The following AKAP13 variants were observed in gnomAD, a reference collection of about 807,000 sequenced individuals.
AKAP13 encodes A-kinase anchor protein 13.
A neutral mutation model predicts 264.5 loss-of-function variants in AKAP13; 80 were observed. The observed-to-expected ratio is 0.30, with a 90% CI of 0.25 to 0.36. The LOEUF (loss-of-function observed/expected upper bound fraction) is 0.36, where lower values mean the gene tolerates loss of function less well. Ranked by LOEUF, AKAP13 falls within the 10% of genes least tolerant of loss-of-function variation. The pLI, the probability that AKAP13 is intolerant of heterozygous loss-of-function variation, is 1.00. For synonymous variants in AKAP13, 1,380 were observed against 1,250.2 expected, an observed-to-expected ratio of 1.10 and a Z score of -2.19; for missense variants, 3,712 against 3,435.2, an observed-to-expected ratio of 1.08 and a Z score of -2.01.
chr15:85,530,340 C>G (rs193267620), intron 3 of AKAP13, among the ~76,000 whole-genome samples: 1 of 152,146 alleles, frequency 6.6e-6, no homozygotes, highest in African/African-American at 2.4e-5. Flanking sequence ...CACCATGGCT[C>G]TTTGCTGTGT....
chr15:85,741,873 C>G (rs564407624), intron 35 of AKAP13, among the ~76,000 whole-genome samples: 25 of 152,046 alleles, frequency 1.6e-4, no homozygotes, highest in Non-Finnish European at 2.8e-4. Flanking sequence ...GGCGAAACGG[C>G]GTCTCTACTA....
intron 2 of AKAP13, among the ~76,000 whole-genome samples, chr15:85,515,034 G>A (rs2076557479): frequency 7.3e-6 from 1 of 137,456 alleles, no homozygotes; most frequent in Non-Finnish European, 1.6e-5. Context: ...TTAAGATTCT[G>A]GATTGAAAGG....
chr15:85,503,087 G>A (rs184634877), intron 2 of AKAP13, among the ~76,000 whole-genome samples: 37 of 152,268 alleles, frequency 2.4e-4, no homozygotes, highest in Admixed American at 2.0e-3. Context: ...GGTATACCTT[G>A]TTAAAATACT....
chr15:85,636,845 C>T (rs892588537), intron 8 of AKAP13, among the ~76,000 whole-genome samples: 7 of 152,168 alleles, frequency 4.6e-5, no homozygotes, highest in Non-Finnish European at 1.0e-4. Context: ...GAACTCCTGA[C>T]CTGAAGTGAT....
Position 85,740,505 on chromosome 15 carries a change from A to G in AKAP13, c.7608+233A>G. On this transcript the variant is annotated intron_variant, in intron 34 of 36. Transcript: ENST00000394518. ...GGCATGGCTTGATAACCATGCTACAAATCACATAGCATGCTAACATGCATC... is the reference window on the plus strand; with the variant it reads ...GGCATGGCTTGATAACCATGCTACAGATCACATAGCATGCTAACATGCATC... 2 of 521,222 alleles carry G rather than the reference A, an allele frequency of 3.8e-6. 1 individual carries two copies. Among genetic ancestry groups the G allele is most frequent in the South Asian group, 5.9e-5 (2 of 33,982 alleles). The allele number at this position is 521,222 out of a possible 1,614,324, so 32.3% of individuals were successfully genotyped here.
intron 1 of AKAP13, among the ~76,000 whole-genome samples, chr15:85,411,040 C>CA (rs2071937691): frequency 6.6e-6 from 1 of 152,180 alleles, no homozygotes; most frequent in Non-Finnish European, 1.5e-5. Flanking sequence ...GACCATTGAA[C>CA]ATTCCTGAGA....
At chr15:85,719,419 C>A in intron 23 of AKAP13, 93 bp downstream of exon 23, 1 of 1,475,820 alleles carries the variant, frequency 6.8e-7, no homozygotes, top group Non-Finnish European at 9.2e-7. Context: ...TTCTTTCTAC[C>A]ATTTATTATC....
rs759865924 is a variant in AKAP13 at position 85,655,769 on chromosome 15, C to T, written c.4727C>T (p.Ala1576Val). Residue 1576 changes from alanine (A) to valine (V), a missense_variant, in exon 11 of 37, where the codon GCA (alanine) becomes GTA (valine). By Grantham distance (64) the Ala-to-Val change is moderately conservative (BLOSUM62 0). Coordinates refer to ENST00000394518, the MANE Select transcript of AKAP13 (RefSeq NM_007200.5). ...CCTGGGAAAAATGCAGCCAGCGATG[C>T]AGAAATGAACCACCGGAGGTGAGAT... ...WGPGKNAASD[A>V]EMNHRSSMRV... is the part of the protein sequence containing the mutation. 4 of 1,608,714 alleles carry T rather than the reference C, an allele frequency of 2.5e-6. No individual in the cohort carries two copies. Among genetic ancestry groups the T allele is most frequent in the Non-Finnish European group, 3.4e-6 (4 of 1,175,700 alleles).
intron 1 of AKAP13, among the ~76,000 whole-genome samples, chr15:85,454,782 AACGAGACTT>A (rs1441059516): frequency 6.6e-6 from 1 of 152,148 alleles, no homozygotes; most frequent in African/African-American, 2.4e-5. Flanking sequence ...ATCACCCCAG[AACGAGACTT>A]TGCACACCTT....
At chr15:85,504,694 CAAAAAAAAAA>C (rs60149423) in intron 2 of AKAP13, among the ~76,000 whole-genome samples, 5 of 105,704 alleles carry the variant, frequency 4.7e-5, no homozygotes, top group Non-Finnish European at 7.0e-5. Flanking sequence ...ACCCTGTCTC[CAAAAAAAAAA>C]AAAAAAAAAA....
At chr15:85,639,059 A>T (rs1040920870) in intron 8 of AKAP13, among the ~76,000 whole-genome samples, 1 of 152,116 alleles carries the variant, frequency 6.6e-6, no homozygotes, top group Admixed American at 6.5e-5. Context: ...CCAAATATGT[A>T]TTTTAATATT....
intron 1 of AKAP13, among the ~76,000 whole-genome samples, chr15:85,417,651 A>G (rs1207557324): frequency 6.6e-6 from 1 of 152,238 alleles, no homozygotes; most frequent in Non-Finnish European, 1.5e-5. Context: ...TCTTTTGCCG[A>G]TTAAACATGA....
chr15:85,619,997 G>A lies in AKAP13; in HGVS notation c.4162-19377G>A, dbSNP rs938369965. 3.3e-6 allele frequency: 5 copies of A among 1,508,718 alleles called. No individual in the cohort carries two copies. The South Asian group carries it at 3.8e-5, about 11-fold the overall frequency. 93.5% of individuals were successfully genotyped at this position (1,508,718 alleles called of 1,614,324 possible). ...AGGCAGAGATCTCCACCACCTAACC[G>A]TGAGAAATTTGGAACTAAGGACTTG... On this transcript the variant is annotated intron_variant, in intron 8 of 36. Coordinates refer to ENST00000394518, the MANE Select transcript of AKAP13 (RefSeq NM_007200.5).
intron 5 of AKAP13, among the ~76,000 whole-genome samples, chr15:85,550,490 G>A (rs2151230902): frequency 6.6e-6 from 1 of 152,316 alleles, no homozygotes; most frequent in South Asian, 2.1e-4. Context: ...AAACCTAGGT[G>A]TAGGGTTAGG....
chr15:85,438,985 A>C (rs1214790410), intron 1 of AKAP13, among the ~76,000 whole-genome samples: 1 of 145,356 alleles, frequency 6.9e-6, no homozygotes, highest in Non-Finnish European at 1.5e-5. Context: ...AATTAAACTA[A>C]AGAGCTTCTG....
rs548708812 is a variant in AKAP13, at chr15:85,391,642, G to A, written c.-12+10844G>A. Among the ~76,000 whole-genome samples the A allele has an allele frequency of 3.6e-4, 55 of 151,480 alleles. 1 individual carries two copies. The highest frequency in any genetic ancestry group is 1.3e-3 in the African/African-American group (52 of 41,266). On this transcript the variant is annotated intron_variant, in intron 1 of 36. Coordinates refer to ENST00000394518, the MANE Select transcript of AKAP13 (RefSeq NM_007200.5). Reference sequence around the variant, plus strand: ...TGGGACCACCGGTGTGCACCACCACGTCCAGCTAATTTTTGTACTTTTTGT... The same window carrying A: ...TGGGACCACCGGTGTGCACCACCACATCCAGCTAATTTTTGTACTTTTTGT...
rs373962542 is a variant in AKAP13 at position 85,455,870 on chromosome 15, A to G, written c.-11-29840A>G. ...CTTCCATCTGTTTTATTCTTAAATA[A>G]TCTTCTTCTGGGACTTAGGATGTAT... On this transcript the variant is annotated intron_variant, in intron 1 of 36. Transcript: ENST00000394518. Among the ~76,000 whole-genome samples, 21 of 152,182 alleles carry G rather than the reference A, an allele frequency of 1.4e-4. No individual in the cohort carries two copies. In the East Asian group the frequency reaches 3.5e-3, roughly 25 times the overall value.
chr15:85,659,747 ACTC>A (rs1033828770), intron 12 of AKAP13, among the ~76,000 whole-genome samples: 1 of 152,122 alleles, frequency 6.6e-6, no homozygotes, highest in Non-Finnish European at 1.5e-5. Flanking sequence ...GTCATCAACA[ACTC>A]CAGCCAGTTT....
rs992257694 is a variant in AKAP13, at chr15:85,735,121, T to C, written c.7412T>C (p.Phe2471Ser). 2 of 1,614,128 alleles carry C rather than the reference T, an allele frequency of 1.2e-6. No homozygotes were observed. The highest frequency in any genetic ancestry group is 1.7e-5 in the Admixed American group (1 of 60,004). The part of the protein sequence containing the change: ...LPRRAETFGG[F>S]DSHQMNASKG... Reference sequence around the variant, plus strand: ...CGGAGAGCAGAGACCTTTGGAGGATTTGACAGCCATCAGATGAATGCTTCA... The same window carrying C: ...CGGAGAGCAGAGACCTTTGGAGGATCTGACAGCCATCAGATGAATGCTTCA... The change falls in exon 31 of 37, where the codon TTT (phenylalanine) becomes TCT (serine). Residue 2471 changes from phenylalanine to serine, a missense_variant. Coordinates refer to ENST00000394518, the MANE Select transcript of AKAP13 (RefSeq NM_007200.5).
Sources: gnomAD v4.1 joint callset for allele counts (sites outside exome capture counted in the v4.1 genomes callset) on GRCh38, gnomAD v4.1.1 for gene constraint, MANE v1.5 for transcripts, NCBI Gene and HGNC (gene_info 2026-07-23, HGNC 2026-07-21) for gene names.